The following MARK3 variants were observed in gnomAD, a reference collection of about 807,000 sequenced individuals.
MARK3 encodes microtubule affinity regulating kinase 3.
In MARK3, 46 loss-of-function variants were observed where a neutral mutation model predicts 90.1. That is an observed-to-expected ratio of 0.51 (90% CI 0.40 to 0.65). The LOEUF (loss-of-function observed/expected upper bound fraction) is 0.65. Ranked by LOEUF, MARK3 falls within the 30% of genes least tolerant of loss-of-function variation. MARK3 has a pLI of 0.00. For synonymous variants in MARK3, 321 were observed against 332.6 expected (o/e 0.97, Z 0.38); for missense variants, 818 against 947.2 (o/e 0.86, Z 1.79).
rs144445390 is a variant in MARK3, at chr14:103,455,000, C to T, written c.413-2142C>T. 2.3e-3 allele frequency among the ~76,000 whole-genome samples: 227 copies of T among 100,420 alleles called. 1 individual carries two copies. Among genetic ancestry groups the T allele is most frequent in the Middle Eastern group, 6.0e-3 (1 of 166 alleles). 65.9% of individuals were successfully genotyped at this position (100,420 alleles called of 152,430 possible). On this transcript the variant is annotated intron_variant, in intron 5 of 17. Transcript: ENST00000429436. ...CAGCTGCTTAACCTGAATGTTAATA[C>T]ATTTTTAATAAGGAAAAAAGATCTG...
intron 15 of MARK3, among the ~76,000 whole-genome samples, chr14:103,496,618 G>A (rs2075356962): frequency 6.6e-6 from 1 of 151,916 alleles, no homozygotes; most frequent in Non-Finnish European, 1.5e-5. Context: ...TCACCATGTT[G>A]GCCAGGCTGG....
At chr14:103,456,363 C>G (rs2093278609) in intron 5 of MARK3, among the ~76,000 whole-genome samples, 1 of 152,174 alleles carries the variant, frequency 6.6e-6, no homozygotes, top group Non-Finnish European at 1.5e-5. Context: ...GTAGTAGAGC[C>G]AGAGTCCTCA....
rs116462326 is a variant in MARK3 at position 103,468,147 on chromosome 14, G to C, written c.1225G>C (p.Val409Leu). 7.4e-6 allele frequency: 12 copies of C among 1,613,894 alleles called. No individual in the cohort carries two copies. The highest frequency in any genetic ancestry group is 3.3e-5 in the South Asian group (3 of 91,074). The part of the protein sequence containing the change: ...QSPHHKVQRS[V>L]SSSQKQRRYS... ...TCCTCACCACAAAGTGCAGAGAAGTGTTTCTTCAAGCCAAAAGCAAAGACG... is the reference window on the plus strand; with the variant it reads ...TCCTCACCACAAAGTGCAGAGAAGTCTTTCTTCAAGCCAAAAGCAAAGACG... Residue 409 changes from valine to leucine, a missense_variant, in exon 12 of 18, where the codon GTT becomes CTT. Val to Leu is a conservative substitution (Grantham distance 32). This residue lies in a region of MARK3 where 560 missense variants were observed against 613.5 expected (regional missense o/e 0.91). Transcript: ENST00000429436.
At chr14:103,411,155 C>A (rs2091607800) in intron 2 of MARK3, among the ~76,000 whole-genome samples, 2 of 151,780 alleles carry the variant, frequency 1.3e-5, no homozygotes, top group South Asian at 4.2e-4. Context: ...GCGCCTGTAG[C>A]CCCAGCTGTT....
intron 14 of MARK3, among the ~76,000 whole-genome samples, 200 bp downstream of exon 14, chr14:103,480,690 G>C (rs1376341853): frequency 6.6e-6 from 1 of 152,186 alleles, no homozygotes; most frequent in African/African-American, 2.4e-5. Context: ...TCATCCTCCT[G>C]CCTGGCTGTG....
At chr14:103,485,276 T>TA (rs2093908148) in intron 14 of MARK3, among the ~76,000 whole-genome samples, 2 of 144,842 alleles carry the variant, frequency 1.4e-5, no homozygotes, top group South Asian at 4.4e-4. Flanking sequence ...TTTTTTTTTT[T>TA]AAGATGGATG....
At chr14:103,457,328 T>C in intron 6 of MARK3, 116 bp downstream of exon 6, 1 of 706,582 alleles carries the variant, frequency 1.4e-6, no homozygotes, top group Non-Finnish European at 2.4e-6. Flanking sequence ...TGGCAGGGGT[T>C]GGCCATTCAA....
chr14:103,501,700 C>T (rs766230176), intron 17 of MARK3, among the ~76,000 whole-genome samples: 6 of 152,072 alleles, frequency 3.9e-5, no homozygotes, highest in Non-Finnish European at 7.4e-5. Context: ...TCTTCTGCTG[C>T]CCTCTAGGAG....
Position 103,464,112 on chromosome 14 carries a change from A to G in MARK3, c.541-1445A>G, listed in dbSNP as rs912407507. 3.2e-4 allele frequency among the ~76,000 whole-genome samples: 48 copies of G among 152,098 alleles called. 2 individuals are homozygous for G. ...CACAACTCCCTGTGCCTCTTCAGTT[A>G]TGGCATTTTGTCTCAGGACAGCTGC... On this transcript the variant is annotated intron_variant, in intron 7 of 17. Coordinates refer to ENST00000429436, the MANE Select transcript of MARK3 (RefSeq NM_001128918.3).
At chr14:103,471,555 G>C (rs1203403723) in intron 12 of MARK3, among the ~76,000 whole-genome samples, 3 of 152,164 alleles carry the variant, frequency 2.0e-5, no homozygotes, top group African/African-American at 7.2e-5. Context: ...AGGCAAGCCT[G>C]TATAGCCGGG....
At chr14:103,471,805 T>C (rs1450393797) in intron 12 of MARK3, among the ~76,000 whole-genome samples, 1 of 139,254 alleles carries the variant, frequency 7.2e-6, no homozygotes, top group African/African-American at 2.4e-5. Flanking sequence ...AAAAAATCAC[T>C]GTTTACTAAT....
chr14:103,467,341 C>T lies in MARK3; in HGVS notation c.1110+150C>T. On this transcript the variant is annotated intron_variant, in intron 11 of 17. Transcript: ENST00000429436. The stretch of plus-strand genomic sequence containing the variant: ...CAAATAGCAAATCTAAATCCTATGA[C>T]TATTATAAGCTATTTTAACTTAACC... 4 of 485,958 alleles carry T rather than the reference C, an allele frequency of 8.2e-6. No homozygotes were observed. In the South Asian group the frequency reaches 1.2e-4, roughly 14 times the overall value. 30.1% of individuals were successfully genotyped at this position (485,958 alleles called of 1,614,324 possible). A position where few individuals can be genotyped will look rare whatever the true frequency, so the allele number is the denominator to read the frequency against.
Position 103,480,463 on chromosome 14 carries a change from CAG to C in MARK3, c.1560_1561del (p.Val521AspfsTer12). 1 of 1,612,058 alleles carries C rather than the reference CAG, an allele frequency of 6.2e-7. No homozygotes were observed. Among genetic ancestry groups the C allele is most frequent in the Non-Finnish European group, 8.5e-7 (1 of 1,178,642 alleles). ...GAGAGAACTACAGCTGATAGACACTCAGTGATTCAGAATGGCAAAGAAAACAG... is the reference window on the plus strand; with the variant it reads ...GAGAGAACTACAGCTGATAGACACTCTGATTCAGAATGGCAAAGAAAACAG... On this transcript the variant is annotated frameshift_variant, in exon 14 of 18. Transcript: ENST00000429436. LOFTEE classifies it high-confidence loss of function.
intron 6 of MARK3, chr14:103,458,768 T>G: frequency 1.4e-6 from 1 of 729,012 alleles, no homozygotes; most frequent in Non-Finnish European, 2.5e-6. Context: ...AAGTCTCCTT[T>G]GATTTGCTTA....
chr14:103,419,299 A>AT (rs1368843676), intron 2 of MARK3, among the ~76,000 whole-genome samples: 3 of 152,222 alleles, frequency 2.0e-5, no homozygotes, highest in Non-Finnish European at 2.9e-5. Context: ...TCATAAATAA[A>AT]TAAATAAATA....
At chr14:103,433,221 G>C (rs2092635147) in intron 3 of MARK3, among the ~76,000 whole-genome samples, 1 of 151,692 alleles carries the variant, frequency 6.6e-6, no homozygotes, top group South Asian at 2.1e-4. Context: ...GAGTAGCTGG[G>C]ACTACAGGTG....
At chr14:103,415,650 A>G (rs1373128977) in intron 2 of MARK3, among the ~76,000 whole-genome samples, 2 of 150,648 alleles carry the variant, frequency 1.3e-5, no homozygotes, top group African/African-American at 5.0e-5. Flanking sequence ...ACTAATTTTC[A>G]TAGCCTCCCA....
chr14:103,425,863 C>T (rs1255169077), intron 2 of MARK3, among the ~76,000 whole-genome samples: 2 of 152,146 alleles, frequency 1.3e-5, no homozygotes, highest in Non-Finnish European at 2.9e-5. Context: ...TTGCTGGATA[C>T]CTTGTTGCAG....
At chr14:103,448,267 C>T (rs1040588107) in intron 3 of MARK3, among the ~76,000 whole-genome samples, 1 of 152,176 alleles carries the variant, frequency 6.6e-6, no homozygotes, top group Non-Finnish European at 1.5e-5. Context: ...TATCCAGCCT[C>T]TGCTTGCTTC....
Sources: gnomAD v4.1 joint callset for allele counts (sites outside exome capture counted in the v4.1 genomes callset) on GRCh38, gnomAD v4.1.1 for gene constraint, gnomAD v4.1.1 regional missense constraint, MANE v1.5 for transcripts, NCBI Gene and HGNC (gene_info 2026-07-23, HGNC 2026-07-21) for gene names.